The following TMOD3 variants were observed in gnomAD, a reference collection of about 807,000 sequenced individuals.
The protein encoded by TMOD3 is tropomodulin-3.
TMOD3 carries 20 observed loss-of-function variants against 39.2 expected under a neutral mutation model. The observed-to-expected ratio is 0.51, with a 90% CI of 0.36 to 0.74. The LOEUF is 0.74. TMOD3 is among the 30% of genes least tolerant of loss of function. The probability of loss-of-function intolerance (pLI) is 0.00; values close to 1 mark genes in which losing one functional copy is unlikely to be tolerated. For synonymous variants in TMOD3, 143 were observed against 145.8 expected, an observed-to-expected ratio of 0.98 and a Z score of 0.14; for missense variants, 381 against 412.8, an observed-to-expected ratio of 0.92 and a Z score of 0.67.
At position 51,893,186 on chromosome 15, in the gene TMOD3, T is replaced by C. The variant is rs150680448; in HGVS notation, c.497-629T>C. ...GACACACGCCTGTATTCCCAGCTAC[T>C]TGGGAGGCTGAGGCAGGAGAGTTGC... On this transcript the variant is annotated intron_variant, in intron 5 of 9. Transcript: ENST00000308580. 2.4e-3 allele frequency among the ~76,000 whole-genome samples: 360 copies of C among 149,028 alleles called. 1 individual carries two copies. The highest frequency in any genetic ancestry group is 8.5e-3 in the African/African-American group (342 of 40,332).
intron 1 of TMOD3, among the ~76,000 whole-genome samples, chr15:51,849,882 C>T (rs1163637706): frequency 2.7e-5 from 4 of 150,894 alleles, no homozygotes; most frequent in Non-Finnish European, 5.9e-5. Context: ...TGCAGTCAGC[C>T]GAGATCACAC....
chr15:51,891,008 T>A (rs2056590207), intron 5 of TMOD3, among the ~76,000 whole-genome samples: 4 of 152,226 alleles, frequency 2.6e-5, no homozygotes, highest in Admixed American at 2.6e-4. Flanking sequence ...TATTTCCATA[T>A]GTGTGTCTCA....
At chr15:51,902,655 T>G (rs2959286) in intron 9 of TMOD3, among the ~76,000 whole-genome samples, 2 of 127,606 alleles carry the variant, frequency 1.6e-5, no homozygotes, top group African/African-American at 6.9e-5. Flanking sequence ...TTTTTTTTTT[T>G]TTTTTTTTTT....
chr15:51,861,939 G>C (rs78129459), intron 1 of TMOD3, among the ~76,000 whole-genome samples: 2,309 of 152,220 alleles, frequency 0.015, 67 homozygotes, highest in East Asian at 0.075. Context: ...CACTGCGTCT[G>C]GCCCAGTACT....
chr15:51,831,998 C>G (rs528538487), intron 1 of TMOD3, among the ~76,000 whole-genome samples: 1 of 151,748 alleles, frequency 6.6e-6, no homozygotes, highest in South Asian at 2.1e-4. Flanking sequence ...GCCTGGGCAA[C>G]ATAGCAAGAC....
At position 51,913,789 on chromosome 15, in the gene TMOD3, G is replaced by C. The variant is rs1002468066; in HGVS notation, c.*4979G>C. Reference sequence around the variant, plus strand: ...GCACTTTGGAAAGCCGAGGCCGACGGATCACTTGAGCTCAGGAGTTTGAGA... The same window carrying C: ...GCACTTTGGAAAGCCGAGGCCGACGCATCACTTGAGCTCAGGAGTTTGAGA... On this transcript the variant is annotated 3_prime_UTR_variant, in exon 10 of 10. Transcript: ENST00000308580. 2 of 152,126 alleles carry C rather than the reference G, an allele frequency of 1.3e-5. No individual in the cohort carries two copies. The highest frequency in any genetic ancestry group is 2.9e-5 in the Non-Finnish European group (2 of 68,046). 9.4% of individuals were successfully genotyped at this position (152,126 alleles called of 1,614,324 possible). A position where few individuals can be genotyped will look rare whatever the true frequency, so the allele number is the denominator to read the frequency against.
At position 51,869,477 on chromosome 15, in the gene TMOD3, C is replaced by T. The variant is rs2056464359; in HGVS notation, c.283+104C>T. 6.4e-6 allele frequency: 7 copies of T among 1,088,718 alleles called. No individual in the cohort carries two copies. In the Admixed American group the frequency reaches 1.5e-4, roughly 23 times the overall value. 67.4% of individuals were successfully genotyped at this position (1,088,718 alleles called of 1,614,324 possible). A position where few individuals can be genotyped will look rare whatever the true frequency, so the allele number is the denominator to read the frequency against. On this transcript the variant is annotated intron_variant, in intron 3 of 9. Transcript: ENST00000308580. ...TTTTTAGAGGTACATCATTGGTAGC[C>T]TTAAATATATGATACTGTTGACTTA... is the stretch of plus-strand genomic sequence containing the variant.
chr15:51,834,599 G>A (rs1246504890), intron 1 of TMOD3, among the ~76,000 whole-genome samples: 1 of 152,170 alleles, frequency 6.6e-6, no homozygotes, highest in Non-Finnish European at 1.5e-5. Flanking sequence ...GGGAGACCAA[G>A]GCAGGCAGAT....
intron 5 of TMOD3, chr15:51,892,222 G>C (rs573225522): frequency 6.6e-6 from 1 of 152,236 alleles, no homozygotes; most frequent in East Asian, 1.9e-4. Context: ...TTTTGAACCC[G>C]GTCAGTCTTT....
chr15:51,886,107 G>A (rs977112327), intron 3 of TMOD3, among the ~76,000 whole-genome samples: 1 of 151,874 alleles, frequency 6.6e-6, no homozygotes, highest in African/African-American at 2.4e-5. Flanking sequence ...CCCAGACGGG[G>A]TGGCGGTCGG....
intron 1 of TMOD3, among the ~76,000 whole-genome samples, chr15:51,854,514 A>C (rs572903514): frequency 2.6e-4 from 39 of 152,344 alleles, no homozygotes; most frequent in African/African-American, 7.7e-4. Flanking sequence ...CTCATAGACT[A>C]TCTCTCTGAA....
intron 3 of TMOD3, among the ~76,000 whole-genome samples, chr15:51,882,170 C>T (rs2056538345): frequency 6.6e-6 from 1 of 151,954 alleles, no homozygotes; most frequent in Admixed American, 6.6e-5. Context: ...GCTGGGATTA[C>T]AGGCGTGAGT....
At chr15:51,856,541 A>G (rs1439740489) in intron 1 of TMOD3, among the ~76,000 whole-genome samples, 1 of 152,268 alleles carries the variant, frequency 6.6e-6, no homozygotes, top group Non-Finnish European at 1.5e-5. Flanking sequence ...GATAAACTTG[A>G]TAAGACTTGA....
chr15:51,888,180 GTC>G (rs2056574877), intron 4 of TMOD3, among the ~76,000 whole-genome samples: 1 of 152,094 alleles, frequency 6.6e-6, no homozygotes, highest in Admixed American at 6.6e-5. Flanking sequence ...CACTCCAAAC[GTC>G]TCTATTATTT....
chr15:51,867,952 G>A (rs570945404), intron 2 of TMOD3, among the ~76,000 whole-genome samples: 1 of 152,316 alleles, frequency 6.6e-6, no homozygotes, highest in East Asian at 1.9e-4. Flanking sequence ...CGCTCAAAAA[G>A]GCTGTACCCG....
chr15:51,899,966 C>T (rs2056641148), intron 7 of TMOD3, among the ~76,000 whole-genome samples, 189 bp from the exon 8 acceptor site: 1 of 152,120 alleles, frequency 6.6e-6, no homozygotes, highest in Non-Finnish European at 1.5e-5. Flanking sequence ...TGCAGATGGT[C>T]CTGGAACCAA....
chr15:51,889,179 C>T, intron 5 of TMOD3, 34 bp downstream of exon 5: 2 of 1,396,102 alleles, frequency 1.4e-6, no homozygotes, highest in Non-Finnish European at 2.0e-6. Context: ...AATTCTAATC[C>T]TTTATTAAAT....
At chr15:51,885,284 C>CTTTTTTTTTTT (rs67378569) in intron 3 of TMOD3, among the ~76,000 whole-genome samples, 37 of 126,916 alleles carry the variant, frequency 2.9e-4, no homozygotes, top group East Asian at 4.6e-4. Flanking sequence ...TTTCTTTTTT[C>CTTTTTTTTTTT]TTTTTTTTTT....
Position 51,900,161 on chromosome 15 carries a change from G to T in TMOD3, c.742G>T (p.Ala248Ser). Residue 248 changes from alanine (A) to serine (S), a missense_variant, in exon 8 of 10, where the codon GCA becomes TCA. Transcript: ENST00000308580. ...RSNDPVATAF[A>S]EMLKVNKTLK... The stretch of plus-strand genomic sequence containing the variant: ...TATTTTCTCTAATTTCTAGGCTTTT[G>T]CAGAAATGCTGAAAGTGAACAAAAC... 8.1e-6 allele frequency: 13 copies of T among 1,613,852 alleles called. No individual in the cohort carries two copies. Among genetic ancestry groups the T allele is most frequent in the South Asian group, 1.1e-5 (1 of 91,020 alleles).
Sources: gnomAD v4.1 joint callset for allele counts (sites outside exome capture counted in the v4.1 genomes callset) on GRCh38, gnomAD v4.1.1 for gene constraint, MANE v1.5 for transcripts, NCBI Gene and HGNC (gene_info 2026-07-23, HGNC 2026-07-21) for gene names.